The following HACE1 variants were observed in gnomAD, a reference collection of about 807,000 sequenced individuals.
The protein encoded by HACE1 is HECT domain and ankyrin repeat containing E3 ubiquitin protein ligase 1.
In HACE1, 73 loss-of-function variants were observed where a neutral mutation model predicts 118.4. The observed-to-expected ratio is 0.62, with a 90% CI of 0.51 to 0.75. HACE1 has a LOEUF of 0.75. Among genes scored for constraint, HACE1 ranks in the 30% least tolerant of loss-of-function variants. HACE1 has a pLI of 0.00. For missense variants in HACE1, 749 were observed against 1,102.2 expected (o/e 0.68, Z 4.54); for synonymous variants, 368 against 374.8 (o/e 0.98, Z 0.21).
At chr6:104,813,336 A>T (rs1435880064) in intron 6 of HACE1, among the ~76,000 whole-genome samples, 1 of 138,082 alleles carries the variant, frequency 7.2e-6, no homozygotes, top group Non-Finnish European at 1.6e-5. Flanking sequence ...ACAAAATTTT[A>T]AAATTAGCCA....
chr6:104,787,796 A>G (rs1782603186), intron 11 of HACE1, among the ~76,000 whole-genome samples: 1 of 152,210 alleles, frequency 6.6e-6, no homozygotes, highest in African/African-American at 2.4e-5. Context: ...CAAAGAAAAA[A>G]ATGGATATGT....
intron 20 of HACE1, among the ~76,000 whole-genome samples, chr6:104,748,441 G>C (rs1777678502): frequency 6.6e-6 from 1 of 152,182 alleles, no homozygotes; most frequent in African/African-American, 2.4e-5. Context: ...TCAAATGCTA[G>C]TGAGAATGCA....
intron 7 of HACE1, among the ~76,000 whole-genome samples, chr6:104,800,711 G>A (rs1031799142): frequency 6.6e-6 from 1 of 152,136 alleles, no homozygotes; most frequent in Non-Finnish European, 1.5e-5. Context: ...TAATCTGTAG[G>A]TAACCAACAT....
chr6:104,843,408 C>A (rs993244511), intron 4 of HACE1, 110 bp from the exon 5 acceptor site: 1 of 731,754 alleles, frequency 1.4e-6, no homozygotes, highest in Non-Finnish European at 2.5e-6. Flanking sequence ...GACATCATAA[C>A]ATCTTTATCT....
At position 104,730,382 on chromosome 6, in the gene HACE1, T is replaced by A. The variant is rs763837043; in HGVS notation, c.2548A>T (p.Met850Leu). ...AAGTTTTGCAATCCACTTCCACCCATGATATTAGCAAACCCACCATGTGGG... is the reference window on the plus strand; with the variant it reads ...AAGTTTTGCAATCCACTTCCACCCAAGATATTAGCAAACCCACCATGTGGG... ...RVPHGGFANI[M>L]GGSGLQNFTI... The change falls in exon 23 of 24, where the codon ATG (methionine) becomes TTG (leucine). Residue 850 changes from methionine (M) to leucine (L), a missense_variant. This residue lies in a region of HACE1 where 165 missense variants were observed against 229.9 expected (regional missense o/e 0.72). Transcript: ENST00000262903. The A allele has an allele frequency of 9.4e-6, 15 of 1,591,264 alleles. No individual in the cohort carries two copies. The highest frequency in any genetic ancestry group is 1.3e-5 in the Non-Finnish European group (15 of 1,159,128).
At position 104,843,231 on chromosome 6, in the gene HACE1, G is replaced by A; in HGVS notation, c.394C>T (p.Leu132Phe). 6.9e-7 allele frequency: 1 copy of A among 1,445,714 alleles called. No homozygotes were observed. Among genetic ancestry groups the A allele is most frequent in the Non-Finnish European group, 9.7e-7 (1 of 1,026,784 alleles). 89.6% of individuals were successfully genotyped at this position (1,445,714 alleles called of 1,614,324 possible). The change falls in exon 5 of 24, where the codon CTT becomes TTT. Residue 132 changes from leucine to phenylalanine, a missense_variant. Physicochemically the swap from Leu to Phe is conservative, Grantham distance 22 (BLOSUM62 0). Around this residue, in one of 5 missense-constraint regions of HACE1, gnomAD observed 120 missense variants for 219.1 expected, o/e 0.55. Transcript: ENST00000262903. ...ADVNICNNEG[L>F]TAIHWLAVNG... Reference sequence around the variant, plus strand: ...AAATTGATAGCACTTACTGCTGTAAGGCCTTCATTATTACAAATGTTGACA... The same window carrying A: ...AAATTGATAGCACTTACTGCTGTAAAGCCTTCATTATTACAAATGTTGACA...
chr6:104,798,777 CTTAAT>C (rs1156425037), intron 7 of HACE1, among the ~76,000 whole-genome samples: 1 of 152,166 alleles, frequency 6.6e-6, no homozygotes, highest in East Asian at 1.9e-4. Context: ...CTAACTTGAG[CTTAAT>C]TTATTTAGGG....
In HACE1 at chr6:104,750,470, C is replaced by A; in HGVS notation, c.2214G>T (p.Ala738=). 6.2e-7 allele frequency: 1 copy of A among 1,613,148 alleles called. No homozygotes were observed. Among genetic ancestry groups the A allele is most frequent in the Non-Finnish European group, 8.5e-7 (1 of 1,179,404 alleles). ...GSILVTQNNK[A]EYVQLVTELR... ...GTTCAGTAACAAGCTGGACGTACTC[C>A]GCCTGTTGAAAAAGAAGTTTTCATG... The change falls in exon 20 of 24, where the codon GCG becomes GCT. Residue 738 remains alanine (A), a splice_region_variant and synonymous_variant. Transcript: ENST00000262903.
chr6:104,796,124 G>T (rs1011380837), intron 9 of HACE1, among the ~76,000 whole-genome samples: 1 of 151,856 alleles, frequency 6.6e-6, no homozygotes, highest in African/African-American at 2.4e-5. Flanking sequence ...TTTTTTTAAA[G>T]ATAGAGCATC....
intron 4 of HACE1, among the ~76,000 whole-genome samples, chr6:104,848,446 C>G (rs1400430842): frequency 6.7e-6 from 1 of 148,962 alleles, no homozygotes; most frequent in African/African-American, 2.5e-5. Context: ...CGGAGTGAGA[C>G]CCCATCTCAA....
intron 12 of HACE1, 83 bp from the exon 13 acceptor site, chr6:104,784,568 T>A: frequency 1.1e-6 from 1 of 915,286 alleles, no homozygotes; most frequent in Non-Finnish European, 1.7e-6. Flanking sequence ...TATACTGAAC[T>A]GGACTGGCTT....
chr6:104,843,186 T>C, intron 5 of HACE1, 37 bp downstream of exon 5: 1 of 1,030,530 alleles, frequency 9.7e-7, no homozygotes, highest in Non-Finnish European at 1.5e-6. Context: ...TTCTAAAACA[T>C]ACTTTTAAAA....
At position 104,811,407 on chromosome 6, in the gene HACE1, A is replaced by G. The variant is rs1412644792; in HGVS notation, c.535-14T>C. 4 of 1,277,876 alleles carry G rather than the reference A, an allele frequency of 3.1e-6. No individual in the cohort carries two copies. Among genetic ancestry groups the G allele is most frequent in the Admixed American group, 3.4e-5 (2 of 59,454 alleles). The allele number at this position is 1,277,876 out of a possible 1,614,324, so 79.2% of individuals were successfully genotyped here. On this transcript the variant is annotated splice_polypyrimidine_tract_variant and intron_variant, in intron 6 of 23. Coordinates refer to ENST00000262903, the MANE Select transcript of HACE1 (RefSeq NM_020771.4). ...GCACTGCACTGTCTGAGGGGGAAAA[A>G]ATAATTAAAAGTAAAGCCAGAGGAA...
intron 22 of HACE1, among the ~76,000 whole-genome samples, chr6:104,737,693 G>T (rs147590645): frequency 6.6e-6 from 1 of 152,146 alleles, no homozygotes; most frequent in African/African-American, 2.4e-5. Flanking sequence ...ACGGAGTCTC[G>T]CTGATTGCTA....
intron 19 of HACE1, among the ~76,000 whole-genome samples, chr6:104,756,411 CAAAAAA>C (rs149270056): frequency 2.5e-3 from 257 of 103,430 alleles, no homozygotes; most frequent in African/African-American, 9.2e-3. Flanking sequence ...GATTCCATCT[CAAAAAA>C]AAAAAAAAAA....
At chr6:104,815,936 G>A (rs576092619) in intron 6 of HACE1, among the ~76,000 whole-genome samples, 1 of 151,904 alleles carries the variant, frequency 6.6e-6, no homozygotes, top group Non-Finnish European at 1.5e-5. Context: ...AGCCAGGCGT[G>A]GTGGCAGGGA....
chr6:104,855,585 T>C (rs1202727122), intron 1 of HACE1, among the ~76,000 whole-genome samples: 1 of 152,184 alleles, frequency 6.6e-6, no homozygotes, highest in Non-Finnish European at 1.5e-5. Flanking sequence ...TCCTCTTATA[T>C]TTCTTTTTTT....
chr6:104,772,037 A>G lies in HACE1; in HGVS notation c.1902T>C (p.Asn634=), dbSNP rs1421351071. ...ACCGAAAATAGTTCAAGTGATCAGG[A>G]TTTACATAAGAGTTGCTATTAGGCT... The part of the protein sequence containing the change: ...TFQPNSNSYV[N]PDHLNYFRFA... The change falls in exon 18 of 24, where the codon AAT becomes AAC. Residue 634 remains asparagine, a synonymous_variant. Transcript: ENST00000262903. The G allele has an allele frequency of 6.2e-7, 1 of 1,607,026 alleles. No individual in the cohort carries two copies.
At chr6:104,824,263 T>C (rs1052802638) in intron 6 of HACE1, among the ~76,000 whole-genome samples, 1 of 152,216 alleles carries the variant, frequency 6.6e-6, no homozygotes, top group Non-Finnish European at 1.5e-5. Context: ...CTAACCACAA[T>C]AACAAATTAT....
Sources: allele counts gnomAD v4.1 joint callset (sites outside exome capture counted in the v4.1 genomes callset), GRCh38; gene constraint gnomAD v4.1.1; regional missense constraint gnomAD v4.1.1; transcripts MANE v1.5; gene names NCBI Gene and HGNC (gene_info 2026-07-23, HGNC 2026-07-21).